The following DEPTOR variants were observed in gnomAD, a reference collection of about 807,000 sequenced individuals.
DEPTOR encodes the protein DEP domain containing MTOR interacting protein.
A neutral mutation model predicts 41.6 loss-of-function variants in DEPTOR; 41 were observed. The ratio of observed to expected loss-of-function variants is 0.98; its 90% CI spans 0.77 to 1.28. DEPTOR has a LOEUF of 1.28. Among genes scored for constraint, DEPTOR ranks in the 50% most tolerant of loss-of-function variants. The probability of loss-of-function intolerance (pLI) is 0.00; values close to 1 mark genes in which losing one functional copy is unlikely to be tolerated. For synonymous variants in DEPTOR, 195 were observed against 192.3 expected, an observed-to-expected ratio of 1.01 and a Z score of -0.12; for missense variants, 514 against 527.9, an observed-to-expected ratio of 0.97 and a Z score of 0.26.
chr8:119,972,824 G>T (rs1828650922), intron 4 of DEPTOR, among the ~76,000 whole-genome samples: 1 of 152,122 alleles, frequency 6.6e-6, no homozygotes, highest in South Asian at 2.1e-4. Flanking sequence ...TAGCCTGGCA[G>T]ATATTTATAC....
At chr8:119,922,104 T>C (rs374642390) in intron 1 of DEPTOR, among the ~76,000 whole-genome samples, 7 of 151,964 alleles carry the variant, frequency 4.6e-5, no homozygotes, top group African/African-American at 1.7e-4. Context: ...CTGGGCATGG[T>C]GGCGGGCACC....
At chr8:119,911,194 C>T (rs1409251984) in intron 1 of DEPTOR, among the ~76,000 whole-genome samples, 3 of 152,138 alleles carry the variant, frequency 2.0e-5, no homozygotes, top group African/African-American at 7.2e-5. Context: ...CTCAGCTATC[C>T]ATTGTCTCCT....
chr8:119,885,161 AT>A (rs371094002), intron 1 of DEPTOR, among the ~76,000 whole-genome samples: 2,458 of 151,996 alleles, frequency 0.016, 67 homozygotes, highest in African/African-American at 0.057. Context: ...TTTTCACTGA[AT>A]TTTTTTTAAA....
intron 1 of DEPTOR, among the ~76,000 whole-genome samples, chr8:119,879,959 T>C (rs915189216): frequency 4.6e-5 from 7 of 152,000 alleles, no homozygotes; most frequent in African/African-American, 7.2e-5. Flanking sequence ...CTGGCCAAGA[T>C]GGTGAAACCT....
At chr8:119,880,838 G>A (rs183175855) in intron 1 of DEPTOR, among the ~76,000 whole-genome samples, 24 of 152,200 alleles carry the variant, frequency 1.6e-4, no homozygotes, top group African/African-American at 5.3e-4. Context: ...GGGTAAGGAA[G>A]AGAATTCAGA....
chr8:119,900,840 T>G (rs1363024069), intron 1 of DEPTOR, among the ~76,000 whole-genome samples: 1 of 152,162 alleles, frequency 6.6e-6, no homozygotes, highest in East Asian at 1.9e-4. Flanking sequence ...TACCCAAAAA[T>G]GTTTGACTTC....
intron 8 of DEPTOR, among the ~76,000 whole-genome samples, chr8:120,015,389 T>A (rs2130120555): frequency 6.6e-6 from 1 of 152,320 alleles, no homozygotes; most frequent in Non-Finnish European, 1.5e-5. Context: ...CCATGTGGTC[T>A]TAGTCATTTT....
intron 7 of DEPTOR, among the ~76,000 whole-genome samples, chr8:120,007,871 A>G (rs1037394708): frequency 3.3e-5 from 5 of 152,220 alleles, no homozygotes; most frequent in African/African-American, 1.2e-4. Context: ...AATCTTGAGC[A>G]TTTCCACAAA....
In DEPTOR at chr8:119,928,513, C is replaced by T; in HGVS notation, c.236C>T (p.Ala79Val). Reference protein sequence around the residue: ...LIDWLIEHKEASDRETAIKLM... With the variant: ...LIDWLIEHKEVSDRETAIKLM... ...GACTGGCTGATTGAACACAAAGAGGCTTCTGACAGAGAGACGGCAATTAAA... is the reference window on the plus strand; with the variant it reads ...GACTGGCTGATTGAACACAAAGAGGTTTCTGACAGAGAGACGGCAATTAAA... The change falls in exon 2 of 9, where the codon GCT becomes GTT. Residue 79 changes from alanine to valine, a missense_variant. Coordinates refer to ENST00000286234, the MANE Select transcript of DEPTOR (RefSeq NM_022783.4). The T allele has an allele frequency of 1.9e-6, 3 of 1,614,152 alleles. No homozygotes were observed. The South Asian group carries it at 3.3e-5, about 18-fold the overall frequency.
chr8:119,993,947 AG>A (rs1812214216), intron 4 of DEPTOR, among the ~76,000 whole-genome samples: 1 of 152,052 alleles, frequency 6.6e-6, no homozygotes, highest in Admixed American at 6.6e-5. Context: ...ACCTGAGGTC[AG>A]GAGTTTGAGA....
At position 119,990,709 on chromosome 8, in the gene DEPTOR, T is replaced by C. The variant is rs143232668; in HGVS notation, c.605-10816T>C. On this transcript the variant is annotated intron_variant, in intron 4 of 8. Coordinates refer to ENST00000286234, the MANE Select transcript of DEPTOR (RefSeq NM_022783.4). ...AACTTTGTGAATGTGAAGTATTTTG[T>C]TTCAGTAATATCAGTTAATAGGACT... 1.8e-3 allele frequency among the ~76,000 whole-genome samples: 276 copies of C among 152,346 alleles called. 1 individual carries two copies. Among genetic ancestry groups the C allele is most frequent in the Non-Finnish European group, 2.6e-3 (180 of 68,026 alleles).
At chr8:119,911,311 CTTTTTTTTT>C (rs147066045) in intron 1 of DEPTOR, among the ~76,000 whole-genome samples, 1 of 105,476 alleles carries the variant, frequency 9.5e-6, no homozygotes, top group Non-Finnish European at 1.8e-5. Context: ...TACACACATT[CTTTTTTTTT>C]TTTTTTTTTT....
At chr8:119,913,777 G>A (rs1827776198) in intron 1 of DEPTOR, among the ~76,000 whole-genome samples, 1 of 152,092 alleles carries the variant, frequency 6.6e-6, no homozygotes, top group African/African-American at 2.4e-5. Context: ...AACCAGCAAT[G>A]CACACTCTTC....
At chr8:120,018,407 A>G (rs1446637782) in intron 8 of DEPTOR, among the ~76,000 whole-genome samples, 2 of 151,956 alleles carry the variant, frequency 1.3e-5, no homozygotes, top group East Asian at 1.9e-4. Context: ...GCGAAACCCC[A>G]TCTCTACTAA....
intron 1 of DEPTOR, among the ~76,000 whole-genome samples, chr8:119,901,675 C>CAAA (rs36026315): frequency 1.1e-5 from 1 of 88,280 alleles, no homozygotes; most frequent in African/African-American, 3.7e-5. Context: ...GACTCTGTCT[C>CAAA]AAAAAAAAAA....
intron 8 of DEPTOR, among the ~76,000 whole-genome samples, chr8:120,027,234 A>AAAGAATAATAATAAT (rs1812811600): frequency 6.9e-6 from 1 of 145,100 alleles, no homozygotes; most frequent in African/African-American, 2.5e-5. Context: ...AATAAAAATA[A>AAAGAATAATAATAAT]AATAATAATA....
chr8:119,993,985 C>G (rs186677435), intron 4 of DEPTOR, among the ~76,000 whole-genome samples: 2,834 of 151,902 alleles, frequency 0.019, 32 homozygotes, highest in Non-Finnish European at 0.03. Context: ...GGTGAAAACC[C>G]ATCTCTACTA....
intron 8 of DEPTOR, among the ~76,000 whole-genome samples, chr8:120,028,896 C>T (rs1472674364): frequency 6.6e-6 from 1 of 151,758 alleles, no homozygotes; most frequent in African/African-American, 2.4e-5. Context: ...ACCAGCCTGA[C>T]CAATATGGTG....
At chr8:119,879,524 C>T (rs553802390) in intron 1 of DEPTOR, among the ~76,000 whole-genome samples, 2 of 152,058 alleles carry the variant, frequency 1.3e-5, no homozygotes, top group South Asian at 2.1e-4. Context: ...CCAGCCTGTA[C>T]AACATGGAGA....
Sources: gnomAD v4.1 joint callset for allele counts (sites outside exome capture counted in the v4.1 genomes callset) on GRCh38, gnomAD v4.1.1 for gene constraint, MANE v1.5 for transcripts, NCBI Gene and HGNC (gene_info 2026-07-23, HGNC 2026-07-21) for gene names.